MAP3K7: variants seen among roughly 807,000 people sequenced by gnomAD.
The protein encoded by MAP3K7 is mitogen-activated protein kinase kinase kinase 7.
MAP3K7 carries 21 observed loss-of-function variants against 84.8 expected under a neutral mutation model. The observed-to-expected ratio is 0.25, with a 90% CI of 0.18 to 0.36. The LOEUF (loss-of-function observed/expected upper bound fraction) is 0.36, where lower values mean the gene tolerates loss of function less well. Ranked by LOEUF, MAP3K7 falls within the 10% of genes least tolerant of loss-of-function variation. The probability of loss-of-function intolerance (pLI) is 1.00; values close to 1 mark genes in which losing one functional copy is unlikely to be tolerated. For synonymous variants in MAP3K7, 241 were observed against 247.7 expected (o/e 0.97, Z 0.25); for missense variants, 503 against 747.7 (o/e 0.67, Z 3.82).
Position 90,556,157 on chromosome 6 carries a change from A to G in MAP3K7, c.607+343T>C, listed in dbSNP as rs547748575. On this transcript the variant is annotated intron_variant, in intron 6 of 16. Coordinates refer to ENST00000369329, the MANE Select transcript of MAP3K7 (RefSeq NM_145331.3). ...AATTTGCACTGCTCAGCGCATGCAC[A>G]CTGTCTGCGAGTACATGAAAGCACT... Among the ~76,000 whole-genome samples, 85 of 152,368 alleles carry G rather than the reference A, an allele frequency of 5.6e-4. 1 individual carries two copies. Among genetic ancestry groups the G allele is most frequent in the South Asian group, 4.8e-3 (23 of 4,830 alleles).
At chr6:90,537,701 C>T (rs1186274598) in intron 12 of MAP3K7, among the ~76,000 whole-genome samples, 2 of 151,864 alleles carry the variant, frequency 1.3e-5, no homozygotes, top group African/African-American at 2.4e-5. Context: ...ACTAAAACAA[C>T]AAAACTGTGC....
At chr6:90,528,455 T>A (rs575024984) in intron 13 of MAP3K7, among the ~76,000 whole-genome samples, 130 of 152,284 alleles carry the variant, frequency 8.5e-4, no homozygotes, top group African/African-American at 2.7e-3. Flanking sequence ...CCTCTCTTTA[T>A]CTGGAGAGGG....
At chr6:90,543,318 A>G (rs1319380048) in intron 12 of MAP3K7, among the ~76,000 whole-genome samples, 1 of 152,078 alleles carries the variant, frequency 6.6e-6, no homozygotes, top group African/African-American at 2.4e-5. Flanking sequence ...TAACCAGGGG[A>G]AAATTAATAT....
intron 5 of MAP3K7, 39 bp from the exon 6 acceptor site, chr6:90,556,663 G>A: frequency 1.3e-5 from 20 of 1,554,190 alleles, no homozygotes; most frequent in Non-Finnish European, 1.7e-5. Context: ...AAGTTACAAG[G>A]CCAACATTTT....
intron 14 of MAP3K7, among the ~76,000 whole-genome samples, chr6:90,520,323 G>C (rs1008030695): frequency 1.3e-5 from 2 of 151,972 alleles, no homozygotes; most frequent in African/African-American, 4.8e-5. Context: ...AACTCAAGAA[G>C]GGTTGCTGGC....
At position 90,536,496 on chromosome 6, in the gene MAP3K7, C is replaced by T. The variant is rs538602004; in HGVS notation, c.1292-95G>A. 84 of 857,852 alleles carry T rather than the reference C, an allele frequency of 9.8e-5. No individual in the cohort carries two copies. The African/African-American group carries it at 1.4e-3, about 14-fold the overall frequency. 53.1% of individuals were successfully genotyped at this position (857,852 alleles called of 1,614,324 possible). The stretch of plus-strand genomic sequence containing the variant: ...AGCAGAAAGTTGGAATTTGTTGCTC[C>T]TTGGATCTACACAAAATGTTTGTGG... On this transcript the variant is annotated intron_variant, in intron 12 of 16. Coordinates refer to ENST00000369329, the MANE Select transcript of MAP3K7 (RefSeq NM_145331.3).
chr6:90,566,606 A>G (rs1247489865), intron 3 of MAP3K7, among the ~76,000 whole-genome samples: 2 of 152,248 alleles, frequency 1.3e-5, no homozygotes, highest in Admixed American at 1.3e-4. Flanking sequence ...ATGGATAGGA[A>G]GAATCAATAT....
chr6:90,567,400 A>G (rs987734134), intron 3 of MAP3K7, among the ~76,000 whole-genome samples: 2 of 152,228 alleles, frequency 1.3e-5, no homozygotes, highest in African/African-American at 4.8e-5. Flanking sequence ...AAAAGTGGGC[A>G]AAGGATATGA....
intron 3 of MAP3K7, among the ~76,000 whole-genome samples, chr6:90,566,960 G>A (rs1208936820): frequency 6.6e-6 from 1 of 152,084 alleles, no homozygotes; most frequent in Admixed American, 6.5e-5. Context: ...CAAGAAATGG[G>A]GAAAGGATTC....
intron 12 of MAP3K7, chr6:90,542,343 A>C: frequency 5.1e-6 from 5 of 984,206 alleles, no homozygotes; most frequent in Non-Finnish European, 6.0e-6. Context: ...GAGTAAGTTA[A>C]TGTTTGATAT....
At chr6:90,529,552 C>T (rs2127960677) in intron 13 of MAP3K7, among the ~76,000 whole-genome samples, 1 of 152,292 alleles carries the variant, frequency 6.6e-6, no homozygotes, top group African/African-American at 2.4e-5. Context: ...TTTGACTGTG[C>T]TCTGCCATTT....
At chr6:90,528,320 T>C (rs1050705452) in intron 13 of MAP3K7, among the ~76,000 whole-genome samples, 1 of 152,154 alleles carries the variant, frequency 6.6e-6, no homozygotes, top group African/African-American at 2.4e-5. Context: ...CTTCAACATA[T>C]ATACAAACAC....
chr6:90,518,308 A>G (rs1006289092), intron 16 of MAP3K7, 139 bp downstream of exon 16: 3 of 567,420 alleles, frequency 5.3e-6, no homozygotes, highest in Admixed American at 3.2e-5. Context: ...AATTTTTAGT[A>G]AAAGGGTGCT....
At chr6:90,556,460 GA>G (rs1562097980) in intron 6 of MAP3K7, 39 bp downstream of exon 6, 1 of 1,599,550 alleles carries the variant, frequency 6.3e-7, no homozygotes, top group Non-Finnish European at 8.5e-7. Flanking sequence ...CACAAGGAGT[GA>G]GGGAGATTAT....
At chr6:90,545,625 G>T (rs1231021255) in intron 11 of MAP3K7, among the ~76,000 whole-genome samples, 1 of 152,100 alleles carries the variant, frequency 6.6e-6, no homozygotes, top group African/African-American at 2.4e-5. Flanking sequence ...GTGACTCATG[G>T]AGACTCATGG....
At chr6:90,556,021 G>A (rs1312041817) in intron 6 of MAP3K7, among the ~76,000 whole-genome samples, 1 of 152,010 alleles carries the variant, frequency 6.6e-6, no homozygotes, top group Non-Finnish European at 1.5e-5. Context: ...AATGAAAAAG[G>A]GCTCTGAACA....
intron 5 of MAP3K7, among the ~76,000 whole-genome samples, 172 bp downstream of exon 5, chr6:90,559,904 A>C (rs1293478384): frequency 6.6e-6 from 1 of 152,256 alleles, no homozygotes. Context: ...ATACAAGCTT[A>C]GATAAATGAC....
At chr6:90,543,505 T>C (rs1775914691) in intron 12 of MAP3K7, among the ~76,000 whole-genome samples, 1 of 152,090 alleles carries the variant, frequency 6.6e-6, no homozygotes, top group Non-Finnish European at 1.5e-5. Flanking sequence ...CAACTGCTGA[T>C]ACAATCAATA....
At chr6:90,560,274 T>TG in intron 4 of MAP3K7, 60 bp from the exon 5 acceptor site, 2 of 1,568,862 alleles carry the variant, frequency 1.3e-6, no homozygotes, top group South Asian at 2.2e-5. Context: ...AGACACAATG[T>TG]GAATGCAAGC....
Sources: gnomAD v4.1 joint callset for allele counts (sites outside exome capture counted in the v4.1 genomes callset) on GRCh38, gnomAD v4.1.1 for gene constraint, MANE v1.5 for transcripts, NCBI Gene and HGNC (gene_info 2026-07-23, HGNC 2026-07-21) for gene names.